Variants in NUP54 observed in about 807,000 individuals in gnomAD.
NUP54 encodes the protein nucleoporin 54, also known as nucleoporin p54.
NUP54 carries 27 observed loss-of-function variants against 66.4 expected under a neutral mutation model. The observed-to-expected ratio is 0.41, with a 90% CI of 0.30 to 0.56. The LOEUF (loss-of-function observed/expected upper bound fraction) is 0.56, where lower values mean the gene tolerates loss of function less well. NUP54 is among the 20% of genes least tolerant of loss of function. The probability of loss-of-function intolerance (pLI) is 0.34; values close to 1 mark genes in which losing one functional copy is unlikely to be tolerated. For missense variants in NUP54, 486 were observed against 596.3 expected, an observed-to-expected ratio of 0.82 and a Z score of 1.93; for synonymous variants, 206 against 210.7, an observed-to-expected ratio of 0.98 and a Z score of 0.19.
At chr4:76,124,954 GAT>G (rs1235568962) in intron 8 of NUP54, among the ~76,000 whole-genome samples, 198 bp from the exon 9 acceptor site, 5 of 152,012 alleles carry the variant, frequency 3.3e-5, no homozygotes, top group African/African-American at 1.2e-4. Context: ...ATCATGCAAA[GAT>G]ATCTTTAGAG....
intron 3 of NUP54, among the ~76,000 whole-genome samples, chr4:76,140,081 G>C (rs1731201565): frequency 6.6e-6 from 1 of 152,096 alleles, no homozygotes; most frequent in African/African-American, 2.4e-5. Context: ...TAAACTTTGA[G>C]TTACTTAAAT....
At chr4:76,124,400 T>A (rs936273460) in intron 9 of NUP54, among the ~76,000 whole-genome samples, 1 of 152,174 alleles carries the variant, frequency 6.6e-6, no homozygotes, top group Non-Finnish European at 1.5e-5. Flanking sequence ...ACTAAGATGC[T>A]TTATTTCTTC....
chr4:76,125,784 G>GGGGAGAGAGGGAGAGA (rs1211943437), intron 8 of NUP54, among the ~76,000 whole-genome samples: 2 of 18,686 alleles, frequency 1.1e-4, no homozygotes, highest in Admixed American at 6.3e-4. Context: ...AGGGAGAGAG[G>GGGGAGAGAGGGAGAGA]GGGAGAGAGG....
At chr4:76,145,456 GT>G in intron 1 of NUP54, 1 of 531,388 alleles carries the variant, frequency 1.9e-6, no homozygotes, top group Non-Finnish European at 2.7e-6. Context: ...AGCAACCTTG[GT>G]TTTGGTGAAT....
chr4:76,133,064 A>T lies in NUP54; in HGVS notation c.711-345T>A, dbSNP rs35019455. On this transcript the variant is annotated intron_variant, in intron 5 of 11. Transcript: ENST00000264883. ...ATATATATGATATATATATATATATATTTTTAAATTTTTTTGAGAGACGGA... is the reference window on the plus strand; with the variant it reads ...ATATATATGATATATATATATATATTTTTTTAAATTTTTTTGAGAGACGGA... Among the ~76,000 whole-genome samples the T allele has an allele frequency of 7.7e-3, 823 of 106,908 alleles. 5 individuals are homozygous for T. The highest frequency in any genetic ancestry group is 0.019 in the African/African-American group (362 of 18,832). 70.1% of individuals were successfully genotyped at this position (106,908 alleles called of 152,430 possible).
chr4:76,121,611 C>G (rs943615487), intron 9 of NUP54, among the ~76,000 whole-genome samples: 22 of 152,086 alleles, frequency 1.4e-4, no homozygotes, highest in African/African-American at 5.1e-4. Flanking sequence ...ACTATAGGTG[C>G]CATGTCATCA....
chr4:76,130,126 G>A (rs924082556), intron 8 of NUP54, among the ~76,000 whole-genome samples: 17 of 151,216 alleles, frequency 1.1e-4, no homozygotes, highest in Admixed American at 9.9e-4. Context: ...CATTACAGGC[G>A]TGCACCACGA....
chr4:76,123,239 AAATG>A, intron 9 of NUP54, among the ~76,000 whole-genome samples: 1 of 152,354 alleles, frequency 6.6e-6, no homozygotes, highest in Admixed American at 6.5e-5. Context: ...AAAAAAGAAC[AAATG>A]AAGCTGTATA....
intron 2 of NUP54, 28 bp from the exon 3 acceptor site, chr4:76,144,320 AGT>A: frequency 6.5e-7 from 1 of 1,550,216 alleles, no homozygotes; most frequent in Admixed American, 2.0e-5. Context: ...GAACTTCGTA[AGT>A]TAAAAAAAAA....
At chr4:76,131,183 G>C in intron 7 of NUP54, 47 bp downstream of exon 7, 1 of 1,130,488 alleles carries the variant, frequency 8.8e-7, no homozygotes, top group Non-Finnish European at 1.3e-6. Flanking sequence ...TGCTTTCCTA[G>C]TAGCAAATAT....
chr4:76,140,784 T>C (rs1035072735), intron 3 of NUP54, among the ~76,000 whole-genome samples: 12 of 152,178 alleles, frequency 7.9e-5, no homozygotes, highest in African/African-American at 2.9e-4. Context: ...CCCTCTTCCA[T>C]AATGTGTGAT....
intron 8 of NUP54, among the ~76,000 whole-genome samples, chr4:76,129,239 G>A (rs569166417): frequency 6.6e-6 from 1 of 152,056 alleles, no homozygotes; most frequent in African/African-American, 2.4e-5. Flanking sequence ...AAGGCCATTA[G>A]AGAAGATTTA....
chr4:76,129,932 A>C (rs1369332952), intron 8 of NUP54, among the ~76,000 whole-genome samples: 1 of 135,900 alleles, frequency 7.4e-6, no homozygotes, highest in African/African-American at 2.7e-5. Context: ...AATTTCTCTG[A>C]CCTTTAAGAA....
chr4:76,130,020 G>A (rs1243388546), intron 8 of NUP54, among the ~76,000 whole-genome samples: 3 of 103,366 alleles, frequency 2.9e-5, no homozygotes, highest in African/African-American at 3.7e-5. Context: ...TCACTCTGTC[G>A]CCCAGGCTGG....
chr4:76,117,991 A>C, intron 10 of NUP54, 84 bp downstream of exon 10: 1 of 1,405,548 alleles, frequency 7.1e-7, no homozygotes, highest in Non-Finnish European at 9.9e-7. Flanking sequence ...AAGTATACAA[A>C]ATTCCTGCTT....
At chr4:76,143,078 C>CA (rs965380344) in intron 3 of NUP54, among the ~76,000 whole-genome samples, 78 of 145,538 alleles carry the variant, frequency 5.4e-4, no homozygotes, top group South Asian at 3.1e-3. Context: ...GCTGATCACT[C>CA]AAAAAAAAAA....
intron 3 of NUP54, among the ~76,000 whole-genome samples, chr4:76,139,007 C>T (rs1045875278): frequency 1.1e-4 from 16 of 151,914 alleles, no homozygotes; most frequent in African/African-American, 2.9e-4. Flanking sequence ...ATAATGAGAC[C>T]GCCAACTCCT....
Position 76,129,966 on chromosome 4 carries a change from G to GTTTTTTTTTTTTTTTT in NUP54, c.1056+674_1056+689dup, listed in dbSNP as rs775109047. On this transcript the variant is annotated intron_variant, in intron 8 of 11. Transcript: ENST00000264883. ...AATCTTTAAGTATTTAATTATGAAA[G>GTTTTTTTTTTTTTTTT]TTTTTTTTTTTTTTTTTTTTTTTTT... 1.2e-4 allele frequency among the ~76,000 whole-genome samples: 7 copies of GTTTTTTTTTTTTTTTT among 56,862 alleles called. 2 individuals carry two copies. The highest frequency in any genetic ancestry group is 3.3e-4 in the Admixed American group (1 of 3,020). The allele number at this position is 56,862 out of a possible 152,430, so 37.3% of individuals were successfully genotyped here. A position where few individuals can be genotyped will look rare whatever the true frequency, so the allele number is the denominator to read the frequency against.
chr4:76,135,163 ATGTC>A (rs1205908626), intron 4 of NUP54, among the ~76,000 whole-genome samples: 1 of 152,176 alleles, frequency 6.6e-6, no homozygotes, highest in Admixed American at 6.5e-5. Flanking sequence ...ACTATAAAGA[ATGTC>A]TGTATCACTT....
Sources: allele counts gnomAD v4.1 joint callset (sites outside exome capture counted in the v4.1 genomes callset), GRCh38; gene constraint gnomAD v4.1.1; transcripts MANE v1.5; gene names NCBI Gene and HGNC (gene_info 2026-07-23, HGNC 2026-07-21).